IQCH: variants seen among roughly 807,000 people sequenced by gnomAD.
IQCH encodes the protein IQ motif containing H.
Under a neutral mutation model 117.0 loss-of-function variants are expected in IQCH, and 98 were observed. The observed-to-expected ratio is 0.84, with a 90% confidence interval of 0.71 to 0.99. IQCH has a LOEUF of 0.99. IQCH is among the 50% of genes least tolerant of loss of function. IQCH has a pLI of 0.00. For missense variants in IQCH, 1,102 were observed against 1,243.8 expected (o/e 0.89, Z 1.72); for synonymous variants, 412 against 448.2 (o/e 0.92, Z 1.02).
In IQCH at chr15:67,323,239, A is replaced by ATT. The variant is rs578260011; in HGVS notation, c.388-13716_388-13715dup. Among the ~76,000 whole-genome samples the ATT allele has an allele frequency of 7.7e-3, 764 of 98,902 alleles. 22 individuals carry two copies. The highest frequency in any genetic ancestry group is 0.012 in the South Asian group (37 of 3,104). 64.9% of individuals were successfully genotyped at this position (98,902 alleles called of 152,430 possible). A position where few individuals can be genotyped will look rare whatever the true frequency, so the allele number is the denominator to read the frequency against. On this transcript the variant is annotated intron_variant, in intron 4 of 20. Transcript: ENST00000335894. ...TCTTTGTTTTCTGACTTAGGGTTACATTTTTTTTTTTTTTTTTTTTTGAGA... is the reference window on the plus strand; with the variant it reads ...TCTTTGTTTTCTGACTTAGGGTTACATTTTTTTTTTTTTTTTTTTTTTTGAGA...
Position 67,395,524 on chromosome 15 carries a change from A to G in IQCH, c.1866A>G (p.Ala622=). Residue 622 remains alanine, a synonymous_variant, in exon 13 of 21, where the codon GCA becomes GCG. Coordinates refer to ENST00000335894, the MANE Select transcript of IQCH (RefSeq NM_001031715.3). This position sits in a 1 kb window ranked among gnomAD's most constrained non-coding sequence, Gnocchi z 4.0. ...GKRVFDSANV[A]VPPGIYDIYS... ...GTGTCTTTGACAGTGCCAATGTGGCAGTTCCTCCTGGAATATATGATATTT... is the reference window on the plus strand; with the variant it reads ...GTGTCTTTGACAGTGCCAATGTGGCGGTTCCTCCTGGAATATATGATATTT... The G allele has an allele frequency of 6.2e-7, 1 of 1,614,036 alleles. No individual in the cohort carries two copies. Among genetic ancestry groups the G allele is most frequent in the Non-Finnish European group, 8.5e-7 (1 of 1,179,952 alleles).
intron 4 of IQCH, among the ~76,000 whole-genome samples, chr15:67,334,587 G>C (rs1467203604): frequency 2.0e-5 from 3 of 152,140 alleles, no homozygotes; most frequent in Admixed American, 6.5e-5. Flanking sequence ...CTACGCATCA[G>C]AATCACCTGG....
At chr15:67,263,479 G>A (rs545326751) in intron 3 of IQCH, among the ~76,000 whole-genome samples, 1 of 152,048 alleles carries the variant, frequency 6.6e-6, no homozygotes, top group East Asian at 1.9e-4. Flanking sequence ...TACCCCTCAA[G>A]TTTATGCAGA....
chr15:67,488,310 C>T (rs766747055), intron 18 of IQCH, among the ~76,000 whole-genome samples: 7 of 152,146 alleles, frequency 4.6e-5, no homozygotes, highest in Non-Finnish European at 8.8e-5. Context: ...CAGAGTGAGA[C>T]CCTGTCTCCA....
At chr15:67,297,549 A>G (rs539706636) in intron 4 of IQCH, among the ~76,000 whole-genome samples, 1 of 152,264 alleles carries the variant, frequency 6.6e-6, no homozygotes, top group Admixed American at 6.5e-5. Context: ...TCAGCACCAT[A>G]GTCTTTCTCT....
At chr15:67,258,510 G>T (rs1314271338) in intron 1 of IQCH, among the ~76,000 whole-genome samples, 1 of 135,408 alleles carries the variant, frequency 7.4e-6, no homozygotes, top group Non-Finnish European at 1.5e-5. Flanking sequence ...CAGCCTGGGG[G>T]ACAAGAGTGA....
In IQCH at chr15:67,387,747, A is replaced by G. The variant is rs965553691; in HGVS notation, c.1457-1084A>G. ...CTCATTTAATAGTGTCTAAAACTCTATGCCCCAGGTGGTTTTGTTCCCCTT... is the reference window on the plus strand; with the variant it reads ...CTCATTTAATAGTGTCTAAAACTCTGTGCCCCAGGTGGTTTTGTTCCCCTT... On this transcript the variant is annotated intron_variant, in intron 11 of 20. Transcript: ENST00000335894. This position sits in a 1 kb window ranked among gnomAD's most constrained non-coding sequence, Gnocchi z 4.8. Among the ~76,000 whole-genome samples, 2 of 152,168 alleles carry G rather than the reference A, an allele frequency of 1.3e-5. No individual in the cohort carries two copies. The highest frequency in any genetic ancestry group is 2.4e-5 in the African/African-American group (1 of 41,450).
In IQCH at chr15:67,385,563, G is replaced by GTA. The variant is rs1971082825; in HGVS notation, c.1456+547_1456+548dup. On this transcript the variant is annotated intron_variant, in intron 11 of 20. Coordinates refer to ENST00000335894, the MANE Select transcript of IQCH (RefSeq NM_001031715.3). The surrounding 1 kb of genome is among the most constrained non-coding windows in gnomAD (Gnocchi z 4.6). ...GAAATACAGACCTTGATTCAGTGAT[G>GTA]TATACATCTTTGTAAAAGTCAGGTT... Among the ~76,000 whole-genome samples the GTA allele has an allele frequency of 1.3e-5, 2 of 152,162 alleles. No individual in the cohort carries two copies. Among genetic ancestry groups the GTA allele is most frequent in the Non-Finnish European group, 1.5e-5 (1 of 68,024 alleles).
intron 6 of IQCH, 47 bp from the exon 7 acceptor site, chr15:67,357,298 C>T (rs772330465): frequency 1.7e-5 from 22 of 1,304,536 alleles, no homozygotes; most frequent in Non-Finnish European, 2.5e-5. Flanking sequence ...ACCAGTGACT[C>T]AGCCTCTTCT....
chr15:67,497,379 A>G (rs2083848092), intron 20 of IQCH, among the ~76,000 whole-genome samples: 1 of 152,200 alleles, frequency 6.6e-6, no homozygotes, highest in Non-Finnish European at 1.5e-5. Flanking sequence ...CAAGTTTATA[A>G]GACATAAAAT....
intron 6 of IQCH, among the ~76,000 whole-genome samples, chr15:67,353,013 G>A (rs760614540): frequency 2.6e-5 from 4 of 152,022 alleles, no homozygotes; most frequent in Non-Finnish European, 4.4e-5. Flanking sequence ...AGGCGTGGTG[G>A]TGCGCACCTG....
At chr15:67,347,086 G>C (rs944576537) in intron 6 of IQCH, among the ~76,000 whole-genome samples, 6 of 151,266 alleles carry the variant, frequency 4.0e-5, no homozygotes, top group Non-Finnish European at 8.8e-5. Context: ...AAATATCTCA[G>C]ATTAATGATC....
At position 67,365,655 on chromosome 15, in the gene IQCH, C is replaced by T. The variant is rs1173535786; in HGVS notation, c.753+5770C>T. Among the ~76,000 whole-genome samples, 1 of 152,132 alleles carries T rather than the reference C, an allele frequency of 6.6e-6. No individual in the cohort carries two copies. The highest frequency in any genetic ancestry group is 6.5e-5 in the Admixed American group (1 of 15,270). ...TACATATGTAGGTATAGAAGCCACG[C>T]ACGGTGGCTCACGCCTGTAATCCCA... On this transcript the variant is annotated intron_variant, in intron 8 of 20. Coordinates refer to ENST00000335894, the MANE Select transcript of IQCH (RefSeq NM_001031715.3). This position sits in a 1 kb window ranked among gnomAD's most constrained non-coding sequence, Gnocchi z 4.4.
intron 18 of IQCH, among the ~76,000 whole-genome samples, chr15:67,480,772 C>G (rs1420235214): frequency 6.6e-6 from 1 of 151,962 alleles, no homozygotes; most frequent in African/African-American, 2.4e-5. Context: ...AAAACTAATA[C>G]CTGCAATTAC....
At chr15:67,410,743 G>C (rs1351767312) in intron 14 of IQCH, among the ~76,000 whole-genome samples, 1 of 152,196 alleles carries the variant, frequency 6.6e-6, no homozygotes, top group Non-Finnish European at 1.5e-5. Flanking sequence ...CCCTGAAAGA[G>C]GGGACATAGA....
chr15:67,275,527 T>C (rs982070798), intron 3 of IQCH, among the ~76,000 whole-genome samples: 1 of 152,158 alleles, frequency 6.6e-6, no homozygotes, highest in African/African-American at 2.4e-5. Flanking sequence ...ATTTTGGAAC[T>C]GGAAGACAGC....
At position 67,395,060 on chromosome 15, in the gene IQCH, G is replaced by A. The variant is rs181419038; in HGVS notation, c.1633-231G>A. Among the ~76,000 whole-genome samples, 1 of 152,206 alleles carries A rather than the reference G, an allele frequency of 6.6e-6. No individual in the cohort carries two copies. Among genetic ancestry groups the A allele is most frequent in the Admixed American group, 6.5e-5 (1 of 15,288 alleles). On this transcript the variant is annotated intron_variant, in intron 12 of 20. Transcript: ENST00000335894. This position sits in a 1 kb window ranked among gnomAD's most constrained non-coding sequence, Gnocchi z 4.0. ...CCACGTGGATCAAATAAATACAGAC[G>A]TGTAGTAATTAGTTCTATTCCCAGT... is the stretch of plus-strand genomic sequence containing the variant.
intron 12 of IQCH, among the ~76,000 whole-genome samples, chr15:67,389,492 A>C (rs1431117521): frequency 6.6e-6 from 1 of 151,358 alleles, no homozygotes; most frequent in Admixed American, 6.6e-5. Flanking sequence ...TTTTTTTTTA[A>C]TTGGGCTGAT....
chr15:67,397,622 T>C (rs1367653351), intron 13 of IQCH, among the ~76,000 whole-genome samples: 3 of 152,236 alleles, frequency 2.0e-5, no homozygotes, highest in East Asian at 1.9e-4. Flanking sequence ...ATGTGCATCA[T>C]AAACTTAAAG....
Sources: allele counts gnomAD v4.1 joint callset (sites outside exome capture counted in the v4.1 genomes callset), GRCh38; gene constraint gnomAD v4.1.1; non-coding constraint Gnocchi (gnomAD v3.1); transcripts MANE v1.5; gene names NCBI Gene and HGNC (gene_info 2026-07-23, HGNC 2026-07-21).